Variants in RNF114 observed in about 807,000 individuals in gnomAD.
RNF114 encodes the protein E3 ubiquitin-protein ligase RNF114.
Under a neutral mutation model 28.4 loss-of-function variants are expected in RNF114, and 6 were observed. The observed-to-expected ratio is 0.21, with a 90% CI of 0.12 to 0.42. RNF114 has a LOEUF of 0.42. Among genes scored for constraint, RNF114 ranks in the 10% least tolerant of loss-of-function variants. The probability of loss-of-function intolerance (pLI) is 1.00; values close to 1 mark genes in which losing one functional copy is unlikely to be tolerated. For missense variants in RNF114, 249 were observed against 311.7 expected, an observed-to-expected ratio of 0.80 and a Z score of 1.51; for synonymous variants, 115 against 116.7, an observed-to-expected ratio of 0.99 and a Z score of 0.09.
intron 2 of RNF114, chr20:49,943,831 T>TACAC (rs1202117723): frequency 1.7e-5 from 2 of 115,510 alleles, no homozygotes; most frequent in African/African-American, 6.2e-5. Flanking sequence ...GCTATATATA[T>TACAC]ATACACACAC....
chr20:49,946,920 TAA>T (rs59258088), intron 4 of RNF114, among the ~76,000 whole-genome samples: 1 of 146,872 alleles, frequency 6.8e-6, no homozygotes, highest in Non-Finnish European at 1.5e-5. Flanking sequence ...TAGTCTCCTT[TAA>T]AAAAAAAAAA....
Position 49,946,259 on chromosome 20 carries a change from C to CCT in RNF114, c.513+10_513+11dup. ...CGGATACCAAATCTGTGGTGAGTAA[C>CCT]CTTTTTTTTTTTTTTTAAACTTCAT... On this transcript the variant is annotated intron_variant, in intron 4 of 5. Transcript: ENST00000244061. 1 of 1,312,298 alleles carries CCT rather than the reference C, an allele frequency of 7.6e-7. No homozygotes were observed. The highest frequency in any genetic ancestry group is 1.1e-6 in the Non-Finnish European group (1 of 948,426). 81.3% of individuals were successfully genotyped at this position (1,312,298 alleles called of 1,614,324 possible).
chr20:49,939,710 C>T (rs986758808), intron 1 of RNF114, among the ~76,000 whole-genome samples: 2 of 151,606 alleles, frequency 1.3e-5, no homozygotes, highest in Non-Finnish European at 2.9e-5. Context: ...TGCCTTTAGC[C>T]ATCTGTTTGG....
intron 4 of RNF114, among the ~76,000 whole-genome samples, 180 bp downstream of exon 4, chr20:49,946,430 G>C (rs2090331895): frequency 6.6e-6 from 1 of 152,036 alleles, no homozygotes; most frequent in African/African-American, 2.4e-5. Flanking sequence ...CTGACCACTT[G>C]GGAATAAGCT....
chr20:49,950,723 A>G (rs111479032), intron 5 of RNF114, among the ~76,000 whole-genome samples: 3 of 151,832 alleles, frequency 2.0e-5, no homozygotes, highest in African/African-American at 7.2e-5. Context: ...ACACAACAAC[A>G]ATTTGGACTT....
intron 5 of RNF114, 45 bp from the exon 6 acceptor site, chr20:49,952,031 A>G: frequency 6.9e-7 from 1 of 1,450,150 alleles, no homozygotes; most frequent in Non-Finnish European, 9.7e-7. Context: ...CAGTCTTTGC[A>G]TCTAGAAACA....
Position 49,952,081 on chromosome 20 carries a change from T to C in RNF114, c.627T>C (p.Tyr209=). The C allele has an allele frequency of 6.2e-7, 1 of 1,613,828 alleles. No homozygotes were observed. The change falls in exon 6 of 6, where the codon TAT becomes TAC. Residue 209 remains tyrosine (Y), a synonymous_variant. Transcript: ENST00000244061. ...ATGTCTCTTTTTGCCCTTAGGATTA[T>C]GATGTTGATGAAGAGGACATGATGA... ...HRFSYDTFVD[Y]DVDEEDMMNQ... is the part of the protein sequence containing the mutation.
At chr20:49,947,516 G>A (rs2090337663) in intron 4 of RNF114, among the ~76,000 whole-genome samples, 1 of 152,036 alleles carries the variant, frequency 6.6e-6, no homozygotes, top group African/African-American at 2.4e-5. Flanking sequence ...TGGCCATTTT[G>A]AGAAACATAT....
chr20:49,942,979 A>G lies in RNF114; in HGVS notation c.291+1268A>G, dbSNP rs1362989966. ...TCTTCAACTTTTTTCACTTTTTTAAATGTACACTCATTCCCAACTTTTTTT... is the reference window on the plus strand; with the variant it reads ...TCTTCAACTTTTTTCACTTTTTTAAGTGTACACTCATTCCCAACTTTTTTT... On this transcript the variant is annotated intron_variant, in intron 2 of 5. Transcript: ENST00000244061. 4.1e-5 allele frequency among the ~76,000 whole-genome samples: 6 copies of G among 145,888 alleles called. No homozygotes were observed. The East Asian group carries it at 1.2e-3, about 30-fold the overall frequency.
intron 2 of RNF114, chr20:49,943,898 A>ATATT (rs1179132959): frequency 1.4e-5 from 2 of 142,752 alleles, no homozygotes; most frequent in African/African-American, 2.6e-5. Flanking sequence ...ATATATATAT[A>ATATT]TTTGTATTTT....
At chr20:49,942,208 AT>A (rs1410737825) in intron 2 of RNF114, among the ~76,000 whole-genome samples, 1 of 152,080 alleles carries the variant, frequency 6.6e-6, no homozygotes, top group Non-Finnish European at 1.5e-5. Context: ...ACAGTGATCT[AT>A]GATCATGCCA....
At chr20:49,947,181 C>T (rs2090335479) in intron 4 of RNF114, among the ~76,000 whole-genome samples, 1 of 143,356 alleles carries the variant, frequency 7.0e-6, no homozygotes, top group Admixed American at 7.1e-5. Flanking sequence ...GATCCTGCCA[C>T]TGCACTCTAG....
intron 1 of RNF114, among the ~76,000 whole-genome samples, chr20:49,940,053 CAAAAAA>C (rs71190515): frequency 1.3e-5 from 1 of 75,556 alleles, no homozygotes; most frequent in African/African-American, 6.0e-5. Context: ...GACTCTGTCT[CAAAAAA>C]AAAAAAAAAA....
intron 1 of RNF114, among the ~76,000 whole-genome samples, chr20:49,940,342 G>A (rs1249224691): frequency 1.3e-5 from 2 of 151,630 alleles, no homozygotes; most frequent in African/African-American, 4.9e-5. Context: ...TTCGAGGGTG[G>A]CACATCTCAC....
At chr20:49,948,070 G>A (rs908312592) in intron 4 of RNF114, among the ~76,000 whole-genome samples, 32 of 151,794 alleles carry the variant, frequency 2.1e-4, no homozygotes, top group Non-Finnish European at 4.1e-4. Flanking sequence ...GATTACAGGC[G>A]TGAGCCACCG....
At chr20:49,951,079 A>G (rs915681464) in intron 5 of RNF114, among the ~76,000 whole-genome samples, 6 of 152,148 alleles carry the variant, frequency 3.9e-5, no homozygotes, top group African/African-American at 1.4e-4. Flanking sequence ...ACTTTGGCCA[A>G]CTATATCAAG....
chr20:49,947,272 C>T (rs1241354606), intron 4 of RNF114, among the ~76,000 whole-genome samples: 2 of 138,162 alleles, frequency 1.4e-5, no homozygotes, highest in African/African-American at 2.7e-5. Flanking sequence ...AATGTGTTAC[C>T]TTTCTCTCTC....
Position 49,952,256 on chromosome 20 carries a change from C to A in RNF114, c.*115C>A. On this transcript the variant is annotated 3_prime_UTR_variant, in exon 6 of 6. Transcript: ENST00000244061. ...CAACAGACCTGAAAATGAGCCATGG[C>A]ATTGGGACAGGGTCACTTCTGACAG... 3 of 941,128 alleles carry A rather than the reference C, an allele frequency of 3.2e-6. No homozygotes were observed. Among genetic ancestry groups the A allele is most frequent in the Non-Finnish European group, 5.2e-6 (3 of 577,632 alleles). 58.3% of individuals were successfully genotyped at this position (941,128 alleles called of 1,614,324 possible).
chr20:49,947,818 G>C (rs2090339954), intron 4 of RNF114, among the ~76,000 whole-genome samples: 1 of 86,328 alleles, frequency 1.2e-5, no homozygotes, highest in Non-Finnish European at 2.1e-5. Flanking sequence ...TTGAGGCGGA[G>C]TTTCGCTCTG....
Sources: allele counts gnomAD v4.1 joint callset (sites outside exome capture counted in the v4.1 genomes callset), GRCh38; gene constraint gnomAD v4.1.1; transcripts MANE v1.5; gene names NCBI Gene and HGNC (gene_info 2026-07-23, HGNC 2026-07-21).